GPC6: variants seen among roughly 807,000 people sequenced by gnomAD.
GPC6 encodes glypican-6.
In GPC6, 14 loss-of-function variants were observed where a neutral mutation model predicts 55.2. The ratio of observed to expected loss-of-function variants is 0.25; its 90% CI spans 0.17 to 0.40. The LOEUF (loss-of-function observed/expected upper bound fraction) is 0.40, where lower values mean the gene tolerates loss of function less well. Among genes scored for constraint, GPC6 ranks in the 10% least tolerant of loss-of-function variants. The pLI, the probability that GPC6 is intolerant of heterozygous loss-of-function variation, is 1.00. For missense variants in GPC6, 641 were observed against 708.5 expected (o/e 0.90, Z 1.08); for synonymous variants, 278 against 259.6 (o/e 1.07, Z -0.68).
chr13:93,338,214 T>C (rs1880112591), intron 1 of GPC6, among the ~76,000 whole-genome samples: 1 of 152,204 alleles, frequency 6.6e-6, no homozygotes, highest in Admixed American at 6.5e-5. Context: ...AATATGGGCA[T>C]TGTAATTCAC....
At chr13:94,303,250 G>A (rs1170236819) in intron 5 of GPC6, among the ~76,000 whole-genome samples, 1 of 152,200 alleles carries the variant, frequency 6.6e-6, no homozygotes, top group African/African-American at 2.4e-5. Flanking sequence ...TTTATATCCC[G>A]ATCATTGTCC....
intron 4 of GPC6, among the ~76,000 whole-genome samples, chr13:94,267,306 TG>T (rs1891848298): frequency 6.6e-6 from 1 of 152,136 alleles, no homozygotes; most frequent in Non-Finnish European, 1.5e-5. Context: ...AGGGTTAGCT[TG>T]GAAATGTGTG....
At chr13:94,141,929 T>TTTA (rs1470112032) in intron 4 of GPC6, among the ~76,000 whole-genome samples, 1 of 152,208 alleles carries the variant, frequency 6.6e-6, no homozygotes, top group Non-Finnish European at 1.5e-5. Context: ...TTAGAAACTA[T>TTTA]TTATTTCCCT....
chr13:93,284,169 AG>A (rs1878037638), intron 1 of GPC6, among the ~76,000 whole-genome samples: 1 of 152,212 alleles, frequency 6.6e-6, no homozygotes, highest in African/African-American at 2.4e-5. Context: ...TATATTTAAA[AG>A]GGTGTAGTTT....
At chr13:94,099,840 A>G (rs746943092) in intron 4 of GPC6, among the ~76,000 whole-genome samples, 35 of 152,206 alleles carry the variant, frequency 2.3e-4, no homozygotes, top group Non-Finnish European at 4.4e-4. Flanking sequence ...CAAGAAGGAA[A>G]GATTAAAGTA....
At chr13:93,508,056 T>C (rs1880805635) in intron 1 of GPC6, among the ~76,000 whole-genome samples, 1 of 152,130 alleles carries the variant, frequency 6.6e-6, no homozygotes, top group Non-Finnish European at 1.5e-5. Context: ...TTTATTCTAG[T>C]AGAGGGAGAG....
chr13:93,908,612 T>A (rs7983868), intron 3 of GPC6, among the ~76,000 whole-genome samples: 126,138 of 151,884 alleles, frequency 0.83, 54,623 homozygotes, highest in Non-Finnish European at 0.94. Flanking sequence ...TCAGTGGCTG[T>A]TAGGTGGGGG....
intron 1 of GPC6, among the ~76,000 whole-genome samples, chr13:93,421,485 G>A (rs955694701): frequency 6.6e-6 from 1 of 152,114 alleles, no homozygotes; most frequent in African/African-American, 2.4e-5. Flanking sequence ...ATTCTAAAAT[G>A]ACTATTGCTT....
intron 3 of GPC6, among the ~76,000 whole-genome samples, chr13:93,969,516 A>G (rs1270800527): frequency 1.3e-5 from 2 of 151,898 alleles, no homozygotes; most frequent in Non-Finnish European, 2.9e-5. Context: ...AGCTATCCTT[A>G]CCCCTTCACC....
intron 3 of GPC6, among the ~76,000 whole-genome samples, chr13:93,843,052 A>G (rs1888011792): frequency 6.7e-6 from 1 of 149,362 alleles, no homozygotes; most frequent in East Asian, 2.0e-4. Context: ...TTAACATCAC[A>G]TGCATTTCCC....
chr13:94,303,765 CAAAAAAAAA>C (rs11300129), intron 5 of GPC6, among the ~76,000 whole-genome samples: 1 of 98,290 alleles, frequency 1.0e-5, no homozygotes, highest in African/African-American at 3.1e-5. Context: ...TAACTCCCTC[CAAAAAAAAA>C]AAAAAAAAAA....
At chr13:93,694,662 A>C (rs1882383823) in intron 2 of GPC6, among the ~76,000 whole-genome samples, 2 of 152,182 alleles carry the variant, frequency 1.3e-5, no homozygotes, top group Non-Finnish European at 2.9e-5. Flanking sequence ...AGGCTTCGGA[A>C]GAATAAATTG....
In GPC6 at chr13:93,822,853, A is replaced by ATT. The variant is rs566409888; in HGVS notation, c.320-7298_320-7297dup. ...CTTTATTATTATTATTATTATTATT[A>ATT]TTTTATTATTATTATTATTATTTTC... On this transcript the variant is annotated intron_variant, in intron 2 of 8. Coordinates refer to ENST00000377047, the MANE Select transcript of GPC6 (RefSeq NM_005708.5). 4.4e-3 allele frequency among the ~76,000 whole-genome samples: 644 copies of ATT among 146,794 alleles called. 3 individuals are homozygous for ATT. Among genetic ancestry groups the ATT allele is most frequent in the African/African-American group, 0.015 (604 of 39,592 alleles).
chr13:93,848,048 C>T (rs1888259785), intron 3 of GPC6, among the ~76,000 whole-genome samples: 1 of 152,132 alleles, frequency 6.6e-6, no homozygotes, highest in Non-Finnish European at 1.5e-5. Context: ...AACATTGACT[C>T]AATTTCTGGG....
In GPC6 at chr13:93,270,423, T is replaced by C. The variant is rs550186805; in HGVS notation, c.160+42807T>C. On this transcript the variant is annotated intron_variant, in intron 1 of 8. Coordinates refer to ENST00000377047, the MANE Select transcript of GPC6 (RefSeq NM_005708.5). ...TATAGATATGTAGATAATATTTATATAATATCAAGGGTTCAGAGAGTGTGC... is the reference window on the plus strand; with the variant it reads ...TATAGATATGTAGATAATATTTATACAATATCAAGGGTTCAGAGAGTGTGC... 1.7e-3 allele frequency among the ~76,000 whole-genome samples: 266 copies of C among 152,194 alleles called. 1 individual carries two copies. The highest frequency in any genetic ancestry group is 6.8e-3 in the Middle Eastern group (2 of 292).
At chr13:93,848,845 C>G (rs1888293574) in intron 3 of GPC6, among the ~76,000 whole-genome samples, 1 of 152,072 alleles carries the variant, frequency 6.6e-6, no homozygotes, top group Admixed American at 6.6e-5. Flanking sequence ...ACTTTCCTTA[C>G]TCATTGTGCC....
intron 2 of GPC6, among the ~76,000 whole-genome samples, chr13:93,768,403 G>A (rs1354522802): frequency 6.6e-6 from 1 of 152,032 alleles, no homozygotes; most frequent in Non-Finnish European, 1.5e-5. Context: ...TTTCTTATTC[G>A]ATTACCAATC....
chr13:94,235,595 T>G (rs1202476350), intron 4 of GPC6, among the ~76,000 whole-genome samples: 1 of 152,136 alleles, frequency 6.6e-6, no homozygotes, highest in African/African-American at 2.4e-5. Flanking sequence ...ACATGGATAT[T>G]TCCTGATTAT....
chr13:93,737,827 A>G (rs991590599), intron 2 of GPC6, among the ~76,000 whole-genome samples: 1 of 152,092 alleles, frequency 6.6e-6, no homozygotes, highest in African/African-American at 2.4e-5. Flanking sequence ...TTTACAGAAC[A>G]TTTGAATTTG....
Sources: gnomAD v4.1 joint callset for allele counts (sites outside exome capture counted in the v4.1 genomes callset) on GRCh38, gnomAD v4.1.1 for gene constraint, MANE v1.5 for transcripts, NCBI Gene and HGNC (gene_info 2026-07-23, HGNC 2026-07-21) for gene names.